The following ZC2HC1B variants were observed in gnomAD, a reference collection of about 807,000 sequenced individuals.
ZC2HC1B encodes the protein zinc finger C2HC domain-containing protein 1B.
In ZC2HC1B, 36 loss-of-function variants were observed where a neutral mutation model predicts 31.0. The ratio of observed to expected loss-of-function variants is 1.16; its 90% CI spans 0.89 to 1.54. ZC2HC1B has a LOEUF of 1.54. Ranked by LOEUF, ZC2HC1B falls within the 40% of genes most tolerant of loss-of-function variation. The pLI is 0.00. For synonymous variants in ZC2HC1B, 73 were observed against 88.0 expected (o/e 0.83, Z 0.95); for missense variants, 260 against 268.6 (o/e 0.97, Z 0.22).
Position 143,886,263 on chromosome 6 carries a change from C to G in ZC2HC1B, c.210+112C>G. 2.6e-6 allele frequency: 3 copies of G among 1,170,538 alleles called. No homozygotes were observed. The highest frequency in any genetic ancestry group is 3.3e-6 in the Non-Finnish European group (3 of 909,292). The allele number at this position is 1,170,538 out of a possible 1,614,324, so 72.5% of individuals were successfully genotyped here. A position where few individuals can be genotyped will look rare whatever the true frequency, so the allele number is the denominator to read the frequency against. ...TTGATAATACAGTAATGTAATGTAACTGTAATCCACCTTTACTTTTTTCTT... is the reference window on the plus strand; with the variant it reads ...TTGATAATACAGTAATGTAATGTAAGTGTAATCCACCTTTACTTTTTTCTT... On this transcript the variant is annotated intron_variant, in intron 3 of 7. Coordinates refer to ENST00000237275, the MANE Select transcript of ZC2HC1B (RefSeq NM_001013623.3). This position sits in a 1 kb window ranked among gnomAD's most constrained non-coding sequence, Gnocchi z 4.2.
In ZC2HC1B at chr6:143,884,842, T is replaced by G. The variant is rs553557185; in HGVS notation, c.90+477T>G. 5.9e-5 allele frequency among the ~76,000 whole-genome samples: 9 copies of G among 152,270 alleles called. No individual in the cohort carries two copies. The South Asian group carries it at 1.9e-3, about 32-fold the overall frequency. The stretch of plus-strand genomic sequence containing the variant: ...TATACAGAACCTTCAAATTTGAGGG[T>G]TTTTATACCATTTGAACAAAATGAT... On this transcript the variant is annotated intron_variant, in intron 2 of 7. Coordinates refer to ENST00000237275, the MANE Select transcript of ZC2HC1B (RefSeq NM_001013623.3). The surrounding 1 kb of genome is among the most constrained non-coding windows in gnomAD (Gnocchi z 5.1).
At chr6:143,891,697 A>G (rs1777604518) in intron 4 of ZC2HC1B, among the ~76,000 whole-genome samples, 1 of 151,724 alleles carries the variant, frequency 6.6e-6, no homozygotes, top group Non-Finnish European at 1.5e-5. Context: ...CTGTCTCAAA[A>G]AAAAAAAAAA....
intron 1 of ZC2HC1B, among the ~76,000 whole-genome samples, chr6:143,882,334 T>TATATATATATATATATATATATA (rs1554237238): frequency 8.7e-4 from 74 of 85,502 alleles, no homozygotes; most frequent in African/African-American, 2.9e-3. Flanking sequence ...TTTATATTTT[T>TATATATATATATATATATATATA]TATATATATA....
At chr6:143,898,530 T>A in intron 4 of ZC2HC1B, 22 bp from the exon 5 acceptor site, 1 of 1,550,280 alleles carries the variant, frequency 6.5e-7, no homozygotes, top group South Asian at 1.2e-5. Context: ...TAATTGCCAT[T>A]TGTTGTTATC....
At chr6:143,920,812 G>GCAGGAGAATCGCTTGAACC (rs1242462118) in intron 6 of ZC2HC1B, among the ~76,000 whole-genome samples, 1 of 151,542 alleles carries the variant, frequency 6.6e-6, no homozygotes, top group Non-Finnish European at 1.5e-5. Flanking sequence ...GGAGGCTGAG[G>GCAGGAGAATCGCTTGAACC]CAGGAGAATC....
Position 143,865,855 on chromosome 6 carries a change from G to A in ZC2HC1B, c.28+1288G>A, listed in dbSNP as rs1487934977. On this transcript the variant is annotated intron_variant, in intron 1 of 7. Transcript: ENST00000237275. This position sits in a 1 kb window ranked among gnomAD's most constrained non-coding sequence, Gnocchi z 4.4. Reference sequence around the variant, plus strand: ...TTGCCAAGACAGGTCTTGCTCTGGCGCCCGAGCTGGAGCGCAGTAGTGCGA... The same window carrying A: ...TTGCCAAGACAGGTCTTGCTCTGGCACCCGAGCTGGAGCGCAGTAGTGCGA... Among the ~76,000 whole-genome samples, 6 of 152,026 alleles carry A rather than the reference G, an allele frequency of 3.9e-5. No individual in the cohort carries two copies. The highest frequency in any genetic ancestry group is 1.4e-4 in the African/African-American group (6 of 41,476).
chr6:143,919,615 A>T (rs528597945), intron 6 of ZC2HC1B, among the ~76,000 whole-genome samples: 52 of 152,250 alleles, frequency 3.4e-4, no homozygotes, highest in African/African-American at 1.1e-3. Flanking sequence ...TAAATCTCTG[A>T]TAGTTAGAGA....
intron 6 of ZC2HC1B, among the ~76,000 whole-genome samples, chr6:143,920,732 A>C (rs2128496886): frequency 6.6e-6 from 1 of 151,970 alleles, no homozygotes; most frequent in Admixed American, 6.6e-5. Context: ...ACATGGTGAA[A>C]CCCCGTCTCT....
At chr6:143,896,323 A>G (rs968636633) in intron 4 of ZC2HC1B, among the ~76,000 whole-genome samples, 2 of 152,190 alleles carry the variant, frequency 1.3e-5, no homozygotes, top group Non-Finnish European at 1.5e-5. Context: ...TAAGGAAGCA[A>G]CTCAGTATTG....
intron 1 of ZC2HC1B, among the ~76,000 whole-genome samples, chr6:143,878,381 G>A (rs1777432324): frequency 6.6e-6 from 1 of 150,656 alleles, no homozygotes; most frequent in Non-Finnish European, 1.5e-5. Context: ...AGGAGGCTGA[G>A]GTGGGAGGAT....
At chr6:143,910,384 T>C (rs1477871838) in intron 6 of ZC2HC1B, among the ~76,000 whole-genome samples, 1 of 152,242 alleles carries the variant, frequency 6.6e-6, no homozygotes, top group Non-Finnish European at 1.5e-5. Flanking sequence ...TTACTTCTGA[T>C]TATGTGATCA....
At chr6:143,898,360 C>T (rs1562341931) in intron 4 of ZC2HC1B, among the ~76,000 whole-genome samples, 192 bp from the exon 5 acceptor site, 1 of 151,952 alleles carries the variant, frequency 6.6e-6, no homozygotes, top group Non-Finnish European at 1.5e-5. Context: ...GGGGTTTTGC[C>T]GTGTTGCCCA....
chr6:143,916,193 G>T (rs1213075032), intron 6 of ZC2HC1B, among the ~76,000 whole-genome samples: 1 of 152,232 alleles, frequency 6.6e-6, no homozygotes, highest in Non-Finnish European at 1.5e-5. Context: ...GTACAGCTCA[G>T]GCTGTTGCTT....
At chr6:143,906,140 G>A (rs1023433457) in intron 6 of ZC2HC1B, among the ~76,000 whole-genome samples, 6 of 152,102 alleles carry the variant, frequency 3.9e-5, no homozygotes, top group East Asian at 1.9e-4. Flanking sequence ...GGTGGAATTC[G>A]CCAGTGAAGC....
At chr6:143,889,343 A>T (rs984981007) in intron 4 of ZC2HC1B, among the ~76,000 whole-genome samples, 1 of 152,086 alleles carries the variant, frequency 6.6e-6, no homozygotes, top group Non-Finnish European at 1.5e-5. Flanking sequence ...GTAGACTTAA[A>T]CCTAACCATA....
rs567782630 is a variant in ZC2HC1B, at chr6:143,895,933, G to A, written c.350-2619G>A. On this transcript the variant is annotated intron_variant, in intron 4 of 7. Coordinates refer to ENST00000237275, the MANE Select transcript of ZC2HC1B (RefSeq NM_001013623.3). This position sits in a 1 kb window ranked among gnomAD's most constrained non-coding sequence, Gnocchi z 4.8. ...AAAACATTATTGATAGAGGAAGAGA[G>A]GTGACTCCGATTGAGCTGAGTGTAG... Among the ~76,000 whole-genome samples the A allele has an allele frequency of 3.3e-5, 5 of 152,316 alleles. No homozygotes were observed. The East Asian group carries it at 9.6e-4, about 29-fold the overall frequency.
chr6:143,930,472 C>T (rs547878923), intron 6 of ZC2HC1B, among the ~76,000 whole-genome samples: 18 of 151,198 alleles, frequency 1.2e-4, no homozygotes, highest in Admixed American at 5.9e-4. Context: ...CTGCAAGCTC[C>T]GCCTCCTGGG....
chr6:143,930,549 G>A (rs980246440), intron 6 of ZC2HC1B, among the ~76,000 whole-genome samples: 58 of 151,740 alleles, frequency 3.8e-4, no homozygotes, highest in South Asian at 2.1e-4. Flanking sequence ...CACCACGCCC[G>A]GCTAATTTTT....
intron 6 of ZC2HC1B, among the ~76,000 whole-genome samples, chr6:143,928,552 G>A (rs1411988469): frequency 6.6e-6 from 1 of 151,544 alleles, no homozygotes; most frequent in East Asian, 1.9e-4. Flanking sequence ...TGTGATGCCT[G>A]CTTTTGCTAT....
Sources: gnomAD v4.1 joint callset for allele counts (sites outside exome capture counted in the v4.1 genomes callset) on GRCh38, gnomAD v4.1.1 for gene constraint, Gnocchi (gnomAD v3.1) non-coding constraint, MANE v1.5 for transcripts, NCBI Gene and HGNC (gene_info 2026-07-23, HGNC 2026-07-21) for gene names.